Variants in GALNT14 observed in about 807,000 individuals in gnomAD.
GALNT14 encodes the protein UDP-GalNAc:polypeptide N-acetylgalactosaminyltransferase 14.
GALNT14 carries 60 observed loss-of-function variants against 77.5 expected under a neutral mutation model. That is an observed-to-expected ratio of 0.77 (90% CI 0.63 to 0.96). The LOEUF is 0.96. GALNT14 is among the 40% of genes least tolerant of loss of function. The probability of loss-of-function intolerance (pLI) is 0.00; values close to 1 mark genes in which losing one functional copy is unlikely to be tolerated. For synonymous variants in GALNT14, 280 were observed against 281.7 expected (o/e 0.99, Z 0.06); for missense variants, 710 against 731.0 (o/e 0.97, Z 0.33).
intron 2 of GALNT14, among the ~76,000 whole-genome samples, chr2:30,990,533 T>C (rs544514484): frequency 6.6e-6 from 1 of 152,330 alleles, no homozygotes; most frequent in Admixed American, 6.5e-5. Flanking sequence ...AAAACAGGGC[T>C]TTGCTGGCAG....
intron 1 of GALNT14, among the ~76,000 whole-genome samples, chr2:31,123,095 C>A (rs191024584): frequency 6.9e-6 from 1 of 145,366 alleles, no homozygotes; most frequent in African/African-American, 2.5e-5. Context: ...GGTAGGAGGA[C>A]GGCATGAACT....
At chr2:31,042,756 G>A (rs1448007489) in intron 1 of GALNT14, among the ~76,000 whole-genome samples, 1 of 152,142 alleles carries the variant, frequency 6.6e-6, no homozygotes, top group African/African-American at 2.4e-5. Flanking sequence ...CACCTCCGCT[G>A]CTGCTACCAC....
chr2:31,105,097 G>A (rs1208278911), intron 1 of GALNT14, among the ~76,000 whole-genome samples: 1 of 152,126 alleles, frequency 6.6e-6, no homozygotes. Flanking sequence ...TCATTTTTCG[G>A]TAAGGAAGAG....
intron 4 of GALNT14, among the ~76,000 whole-genome samples, chr2:30,958,058 G>T (rs1486162708): frequency 6.6e-6 from 1 of 152,174 alleles, no homozygotes; most frequent in Non-Finnish European, 1.5e-5. Flanking sequence ...ATGCGGAAAG[G>T]TTGGAAGGCA....
At chr2:31,053,359 G>T (rs2148523728) in intron 1 of GALNT14, among the ~76,000 whole-genome samples, 1 of 152,154 alleles carries the variant, frequency 6.6e-6, no homozygotes, top group South Asian at 2.1e-4. Context: ...GCACTTACAG[G>T]TGCCAACTCA....
rs573926184 is a variant in GALNT14 at position 31,120,028 on chromosome 2, C to T, written c.129+17930G>A. 2.8e-4 allele frequency among the ~76,000 whole-genome samples: 34 copies of T among 122,722 alleles called. 3 individuals are homozygous for T. Among genetic ancestry groups the T allele is most frequent in the African/African-American group, 8.7e-4 (33 of 37,894 alleles). The allele number at this position is 122,722 out of a possible 152,430, so 80.5% of individuals were successfully genotyped here. A position where few individuals can be genotyped will look rare whatever the true frequency, so the allele number is the denominator to read the frequency against. ...AAAATTAGCCGGGCGTGGTAGCGGG[C>T]GCCTGTAGTCCCAGCTACTCGGGAG... On this transcript the variant is annotated intron_variant, in intron 1 of 14. Transcript: ENST00000349752.
intron 1 of GALNT14, among the ~76,000 whole-genome samples, chr2:31,014,500 C>T (rs920284756): frequency 6.6e-6 from 1 of 152,200 alleles, no homozygotes; most frequent in East Asian, 1.9e-4. Context: ...CAAGCCTTCA[C>T]CTCCTGGCAG....
chr2:30,959,481 G>A (rs530390112), intron 3 of GALNT14, among the ~76,000 whole-genome samples: 1 of 152,292 alleles, frequency 6.6e-6, no homozygotes, highest in Admixed American at 6.5e-5. Flanking sequence ...GAAGCTTGTG[G>A]TATAGCAGCT....
chr2:31,121,748 G>A (rs1678425291), intron 1 of GALNT14, among the ~76,000 whole-genome samples: 3 of 152,182 alleles, frequency 2.0e-5, no homozygotes, highest in South Asian at 4.2e-4. Flanking sequence ...TGTCCTAGAT[G>A]GTGTTAGTCA....
intron 5 of GALNT14, 75 bp downstream of exon 5, chr2:30,955,837 A>C: frequency 6.2e-7 from 1 of 1,607,190 alleles, no homozygotes; most frequent in Non-Finnish European, 8.5e-7. Flanking sequence ...TGATCACCCC[A>C]ACACACACAC....
intron 2 of GALNT14, among the ~76,000 whole-genome samples, chr2:30,973,034 A>G (rs958621347): frequency 4.6e-5 from 7 of 152,244 alleles, no homozygotes; most frequent in African/African-American, 1.7e-4. Flanking sequence ...CTGCACTTCC[A>G]GCACACATTG....
At chr2:31,072,728 G>C (rs979853785) in intron 1 of GALNT14, among the ~76,000 whole-genome samples, 3 of 152,072 alleles carry the variant, frequency 2.0e-5, no homozygotes, top group African/African-American at 7.2e-5. Flanking sequence ...TAAGAGATGA[G>C]AACTATGCAG....
chr2:31,002,884 C>T (rs1353584185), intron 1 of GALNT14, among the ~76,000 whole-genome samples: 1 of 152,184 alleles, frequency 6.6e-6, no homozygotes, highest in Admixed American at 6.5e-5. Context: ...AATCCTTTCC[C>T]CTCACCGAGG....
intron 8 of GALNT14, among the ~76,000 whole-genome samples, chr2:30,943,473 C>T (rs1017777540): frequency 1.3e-5 from 2 of 152,182 alleles, no homozygotes; most frequent in African/African-American, 2.4e-5. Context: ...CCACATCCTG[C>T]TGTTTTCTGA....
At chr2:30,934,698 T>C (rs1665948871) in intron 9 of GALNT14, among the ~76,000 whole-genome samples, 1 of 152,136 alleles carries the variant, frequency 6.6e-6, no homozygotes, top group South Asian at 2.1e-4. Flanking sequence ...CTGGCCCTGA[T>C]CCTTCTCTAC....
chr2:30,949,111 G>C (rs1424585213), intron 6 of GALNT14, among the ~76,000 whole-genome samples: 3 of 152,174 alleles, frequency 2.0e-5, no homozygotes, highest in Non-Finnish European at 4.4e-5. Context: ...CTATGACCTT[G>C]AATGGGCCTG....
chr2:30,937,471 G>C (rs898829719), intron 9 of GALNT14, among the ~76,000 whole-genome samples: 2 of 152,186 alleles, frequency 1.3e-5, no homozygotes, highest in African/African-American at 2.4e-5. Flanking sequence ...AGCCCATTCA[G>C]GTTGTTTGCA....
chr2:30,953,348 G>A (rs991410124), intron 6 of GALNT14, among the ~76,000 whole-genome samples: 20 of 128,540 alleles, frequency 1.6e-4, no homozygotes, highest in Non-Finnish European at 2.2e-4. Context: ...TTGCTCTGTC[G>A]CCCAGGCTGG....
intron 1 of GALNT14, among the ~76,000 whole-genome samples, chr2:31,072,292 CA>C (rs1675450109): frequency 1.1e-5 from 1 of 88,750 alleles, no homozygotes; most frequent in Non-Finnish European, 2.1e-5. Context: ...TACACACACA[CA>C]CACACACACA....
Sources: gnomAD v4.1 joint callset for allele counts (sites outside exome capture counted in the v4.1 genomes callset) on GRCh38, gnomAD v4.1.1 for gene constraint, MANE v1.5 for transcripts, NCBI Gene and HGNC (gene_info 2026-07-23, HGNC 2026-07-21) for gene names.